The following PID1 variants were observed in gnomAD, a reference collection of about 807,000 sequenced individuals.
The protein encoded by PID1 is phosphotyrosine interaction domain containing 1.
Under a neutral mutation model 19.1 loss-of-function variants are expected in PID1, and 10 were observed. The ratio of observed to expected loss-of-function variants is 0.52; its 90% CI spans 0.32 to 0.89. PID1 has a LOEUF of 0.89. Ranked by LOEUF, PID1 falls within the 40% of genes least tolerant of loss-of-function variation. The pLI is 0.03. For synonymous variants in PID1, 130 were observed against 116.0 expected (o/e 1.12, Z -0.78); for missense variants, 248 against 285.3 (o/e 0.87, Z 0.94).
At chr2:229,230,105 A>G (rs12618597) in intron 1 of PID1, among the ~76,000 whole-genome samples, 22,733 of 152,218 alleles carry the variant, frequency 0.15, 2,132 homozygotes, top group Admixed American at 0.25. Flanking sequence ...TCCATTGCTT[A>G]TACACTTCTC....
At chr2:229,073,891 G>A (rs1410725941) in intron 2 of PID1, among the ~76,000 whole-genome samples, 4 of 152,064 alleles carry the variant, frequency 2.6e-5, no homozygotes, top group Non-Finnish European at 4.4e-5. Flanking sequence ...TTTAGAGGCC[G>A]CACAATGGTC....
intron 1 of PID1, among the ~76,000 whole-genome samples, chr2:229,232,718 A>G (rs867205982): frequency 4.7e-5 from 7 of 149,248 alleles, no homozygotes; most frequent in African/African-American, 1.5e-4. Context: ...ACACATTCCA[A>G]TATGATGCAT....
chr2:229,129,070 A>G (rs1045622392), intron 2 of PID1, among the ~76,000 whole-genome samples: 2 of 152,198 alleles, frequency 1.3e-5, no homozygotes, highest in African/African-American at 2.4e-5. Context: ...AGATAAATAA[A>G]TTGAGGCTTA....
At chr2:229,258,088 C>A (rs1438443693) in intron 1 of PID1, among the ~76,000 whole-genome samples, 1 of 152,168 alleles carries the variant, frequency 6.6e-6, no homozygotes, top group East Asian at 1.9e-4. Context: ...GAGGCTGGAG[C>A]CAGGCACTGT....
intron 2 of PID1, among the ~76,000 whole-genome samples, chr2:229,076,798 A>G (rs1694567681): frequency 1.3e-5 from 2 of 152,140 alleles, no homozygotes; most frequent in African/African-American, 2.4e-5. Context: ...CCTAACATTG[A>G]TGGGCATTTG....
intron 2 of PID1, among the ~76,000 whole-genome samples, chr2:229,147,417 C>G (rs914650957): frequency 6.6e-6 from 1 of 151,960 alleles, no homozygotes; most frequent in Non-Finnish European, 1.5e-5. Flanking sequence ...GTAGGAAAAT[C>G]AAAAGTGTAT....
rs1320945510 is a variant in PID1, at chr2:229,184,249, ATG to A, written c.31-28287_31-28286del. Among the ~76,000 whole-genome samples the A allele has an allele frequency of 3.3e-4, 6 of 18,182 alleles. 3 individuals are homozygous for A. Among genetic ancestry groups the A allele is most frequent in the African/African-American group, 2.7e-3 (6 of 2,252 alleles). 11.9% of individuals were successfully genotyped at this position (18,182 alleles called of 152,430 possible). On this transcript the variant is annotated intron_variant, in intron 1 of 2. Coordinates refer to ENST00000392055, the MANE Select transcript of PID1 (RefSeq NM_001100818.2). Reference sequence around the variant, plus strand: ...TATATCCCATGTATATATATCCCATATGTATATATCCCATATGTATATATCCC... The same window carrying A: ...TATATCCCATGTATATATATCCCATATATATATCCCATATGTATATATCCC...
At chr2:229,253,454 A>C (rs1014854687) in intron 1 of PID1, among the ~76,000 whole-genome samples, 3 of 152,164 alleles carry the variant, frequency 2.0e-5, no homozygotes, top group Non-Finnish European at 4.4e-5. Flanking sequence ...CCTTATAAAC[A>C]ACAAGGACCA....
intron 2 of PID1, among the ~76,000 whole-genome samples, chr2:229,035,826 AC>A (rs756203950): frequency 1.3e-5 from 2 of 152,170 alleles, no homozygotes; most frequent in Non-Finnish European, 2.9e-5. Flanking sequence ...AGCAATAGGC[AC>A]CCTACCAAGG....
chr2:229,220,105 G>A (rs1041218363), intron 1 of PID1, among the ~76,000 whole-genome samples: 7 of 150,670 alleles, frequency 4.6e-5, no homozygotes, highest in South Asian at 2.1e-4. Context: ...CTGCAGTCTC[G>A]ATCTCCCCAG....
At chr2:229,269,866 C>A (rs1393465764) in intron 1 of PID1, among the ~76,000 whole-genome samples, 1 of 152,176 alleles carries the variant, frequency 6.6e-6, no homozygotes, top group Non-Finnish European at 1.5e-5. Context: ...GAACACACTC[C>A]CCGCAAATCA....
intron 1 of PID1, among the ~76,000 whole-genome samples, chr2:229,262,517 T>A (rs1273238663): frequency 1.3e-5 from 2 of 152,166 alleles, no homozygotes; most frequent in Non-Finnish European, 2.9e-5. Context: ...GACACATGCA[T>A]TGTGTCGCAG....
intron 1 of PID1, among the ~76,000 whole-genome samples, chr2:229,173,845 G>A (rs1690759540): frequency 6.6e-6 from 1 of 152,174 alleles, no homozygotes; most frequent in Non-Finnish European, 1.5e-5. Context: ...TCAATGAGTA[G>A]CAGAGTTAAA....
At chr2:229,122,120 A>G (rs1695535410) in intron 2 of PID1, among the ~76,000 whole-genome samples, 1 of 152,202 alleles carries the variant, frequency 6.6e-6, no homozygotes, top group South Asian at 2.1e-4. Flanking sequence ...AGCTTTTCTT[A>G]TAGTTTACAG....
At chr2:229,267,993 T>C (rs1690636482) in intron 1 of PID1, among the ~76,000 whole-genome samples, 1 of 152,162 alleles carries the variant, frequency 6.6e-6, no homozygotes, top group Non-Finnish European at 1.5e-5. Context: ...TTATTCACTG[T>C]AAAAAGTTGG....
intron 1 of PID1, among the ~76,000 whole-genome samples, chr2:229,230,846 T>G (rs188565958): frequency 2.0e-5 from 3 of 152,300 alleles, no homozygotes; most frequent in African/African-American, 7.2e-5. Flanking sequence ...TGTGTATATA[T>G]AAACACAATA....
At chr2:229,062,475 TG>T (rs1214844286) in intron 2 of PID1, among the ~76,000 whole-genome samples, 1 of 151,964 alleles carries the variant, frequency 6.6e-6, no homozygotes, top group African/African-American at 2.4e-5. Context: ...ATCCTTTTAA[TG>T]CACTGGTGAA....
intron 1 of PID1, among the ~76,000 whole-genome samples, chr2:229,260,135 C>T (rs1182918749): frequency 6.6e-6 from 1 of 152,098 alleles, no homozygotes; most frequent in Non-Finnish European, 1.5e-5. Flanking sequence ...TCAATAAAAG[C>T]CCTCATTGAC....
At chr2:229,140,486 T>C (rs954806989) in intron 2 of PID1, among the ~76,000 whole-genome samples, 2 of 118,958 alleles carry the variant, frequency 1.7e-5, no homozygotes, top group African/African-American at 6.1e-5. Flanking sequence ...ATTAAAAGAG[T>C]GCACACACAC....
Sources: allele counts gnomAD v4.1 joint callset (sites outside exome capture counted in the v4.1 genomes callset), GRCh38; gene constraint gnomAD v4.1.1; transcripts MANE v1.5; gene names NCBI Gene and HGNC (gene_info 2026-07-23, HGNC 2026-07-21).